SEMA3A: variants seen among roughly 807,000 people sequenced by gnomAD.
SEMA3A encodes the protein semaphorin-3A.
Under a neutral mutation model 97.9 loss-of-function variants are expected in SEMA3A, and 29 were observed. That is an observed-to-expected ratio of 0.30 (90% CI 0.22 to 0.40). The LOEUF (loss-of-function observed/expected upper bound fraction) is 0.40, where lower values mean the gene tolerates loss of function less well. Among genes scored for constraint, SEMA3A ranks in the 10% least tolerant of loss-of-function variants. The pLI is 1.00. For synonymous variants in SEMA3A, 321 were observed against 323.7 expected (o/e 0.99, Z 0.09); for missense variants, 763 against 951.3 (o/e 0.80, Z 2.60).
At position 84,185,692 on chromosome 7, in the gene SEMA3A, GAAAAAAAAAAAAAA is replaced by G. The variant is rs71078810; in HGVS notation, c.112+8769_112+8782del. Among the ~76,000 whole-genome samples the G allele has an allele frequency of 1.7e-3, 136 of 78,104 alleles. 2 individuals are homozygous for G. In the East Asian group the frequency reaches 0.042, roughly 24 times the overall value. The allele number at this position is 78,104 out of a possible 152,430, so 51.2% of individuals were successfully genotyped here. ...GGTGACAAGAGAGAAACTCTGGCAGGAAAAAAAAAAAAAAAAAAAAAGGAAAGAAATAATGAGTT... is the reference window on the plus strand; with the variant it reads ...GGTGACAAGAGAGAAACTCTGGCAGGAAAAAAAGGAAAGAAATAATGAGTT... On this transcript the variant is annotated intron_variant, in intron 1 of 16. Coordinates refer to ENST00000265362, the MANE Select transcript of SEMA3A (RefSeq NM_006080.3).
At chr7:84,260,182 G>A (rs1799815786) in intron 3 of SEMA3A, among the ~76,000 whole-genome samples, 1 of 152,150 alleles carries the variant, frequency 6.6e-6, no homozygotes, top group Admixed American at 6.5e-5. Context: ...ATCTTTAAGA[G>A]CTTCATAGAA....
chr7:84,408,826 T>C (rs528958039), intron 1 of SEMA3A, among the ~76,000 whole-genome samples: 2 of 151,498 alleles, frequency 1.3e-5, no homozygotes, highest in African/African-American at 4.8e-5. Context: ...TTCTCACTCA[T>C]AGGTGGGAAT....
intron 4 of SEMA3A, among the ~76,000 whole-genome samples, chr7:84,074,178 T>G (rs1248604321): frequency 6.6e-6 from 1 of 152,200 alleles, no homozygotes; most frequent in Non-Finnish European, 1.5e-5. Flanking sequence ...GCCCTCATTC[T>G]TCTGCTAATC....
rs76537551 is a variant in SEMA3A at position 84,284,137 on chromosome 7, T to C, written c.-83+23070A>G. On this transcript the variant is annotated intron_variant, in intron 3 of 3. Transcript: ENST00000424555. Reference sequence around the variant, plus strand: ...AGTTGTATGATACAAGGAAATGAGATGACTAATTTATATTTAATTTTATAT... The same window carrying C: ...AGTTGTATGATACAAGGAAATGAGACGACTAATTTATATTTAATTTTATAT... Among the ~76,000 whole-genome samples the C allele has an allele frequency of 7.0e-3, 1,071 of 152,222 alleles. 11 individuals are homozygous for C. The highest frequency in any genetic ancestry group is 0.024 in the African/African-American group (996 of 41,540).
At chr7:84,122,479 T>G (rs1311298409) in intron 3 of SEMA3A, among the ~76,000 whole-genome samples, 2 of 152,072 alleles carry the variant, frequency 1.3e-5, no homozygotes, top group Non-Finnish European at 2.9e-5. Flanking sequence ...TCATAAGATG[T>G]GAGAAATGTG....
intron 3 of SEMA3A, among the ~76,000 whole-genome samples, chr7:84,203,146 T>C (rs549138157): frequency 4.8e-4 from 73 of 152,196 alleles, no homozygotes; most frequent in African/African-American, 1.7e-3. Context: ...ACTCAGTATA[T>C]AGGATTACTT....
intron 3 of SEMA3A, among the ~76,000 whole-genome samples, chr7:84,286,012 A>T (rs1286161218): frequency 6.6e-6 from 1 of 151,718 alleles, no homozygotes. Context: ...GAAATAAGAG[A>T]TATTTCCTTT....
chr7:84,427,009 T>G (rs1804844617), intron 1 of SEMA3A, among the ~76,000 whole-genome samples: 1 of 152,128 alleles, frequency 6.6e-6, no homozygotes, highest in Non-Finnish European at 1.5e-5. Context: ...TGTTGGGACA[T>G]GCATAATGAA....
chr7:84,054,056 C>T (rs1378672711), intron 5 of SEMA3A, among the ~76,000 whole-genome samples: 1 of 151,816 alleles, frequency 6.6e-6, no homozygotes, highest in East Asian at 1.9e-4. Context: ...TCTCTTCTGG[C>T]TTGTAGGGTT....
chr7:84,345,552 T>A (rs1802278696), intron 2 of SEMA3A, among the ~76,000 whole-genome samples: 1 of 152,182 alleles, frequency 6.6e-6, no homozygotes, highest in Non-Finnish European at 1.5e-5. Context: ...TAAGTATATG[T>A]AATATTCTAA....
chr7:84,306,932 C>A (rs944496544), intron 3 of SEMA3A, among the ~76,000 whole-genome samples: 5 of 151,994 alleles, frequency 3.3e-5, no homozygotes, highest in African/African-American at 4.8e-5. Context: ...GTGAAATTCC[C>A]AAGTCTGGAG....
chr7:84,349,391 A>G (rs543069266), intron 2 of SEMA3A, among the ~76,000 whole-genome samples: 1 of 152,294 alleles, frequency 6.6e-6, no homozygotes, highest in African/African-American at 2.4e-5. Context: ...AATTGCTGAA[A>G]TGGGTATTGT....
intron 1 of SEMA3A, among the ~76,000 whole-genome samples, chr7:84,396,755 GT>G (rs1252179570): frequency 3.3e-5 from 5 of 151,696 alleles, no homozygotes; most frequent in African/African-American, 4.8e-5. Flanking sequence ...GAAAAATAAT[GT>G]TTTTTTCTAA....
chr7:84,120,992 T>C (rs1271937360), intron 3 of SEMA3A, among the ~76,000 whole-genome samples: 2 of 152,162 alleles, frequency 1.3e-5, no homozygotes, highest in Admixed American at 1.3e-4. Context: ...AGAGGAACTC[T>C]GGATGAAAAA....
At chr7:84,225,952 G>A (rs1163217998) in intron 3 of SEMA3A, among the ~76,000 whole-genome samples, 1 of 152,074 alleles carries the variant, frequency 6.6e-6, no homozygotes, top group African/African-American at 2.4e-5. Context: ...TTATTTATTA[G>A]TTGGCTATGT....
chr7:83,989,095 A>T (rs1284421305), intron 12 of SEMA3A, among the ~76,000 whole-genome samples: 1 of 152,170 alleles, frequency 6.6e-6, no homozygotes, highest in Admixed American at 6.5e-5. Flanking sequence ...TCACATGAAA[A>T]ATAGTTATGT....
intron 15 of SEMA3A, among the ~76,000 whole-genome samples, chr7:83,968,700 A>C (rs1788804149): frequency 6.6e-6 from 1 of 151,942 alleles, no homozygotes; most frequent in Non-Finnish European, 1.5e-5. Flanking sequence ...TTTACCAAAC[A>C]ATTGCAACTC....
At chr7:84,375,167 C>T (rs552626575) in intron 1 of SEMA3A, among the ~76,000 whole-genome samples, 3 of 152,104 alleles carry the variant, frequency 2.0e-5, no homozygotes, top group Admixed American at 1.3e-4. Flanking sequence ...TTACAGGCAC[C>T]CGCCAACACA....
chr7:84,163,842 A>G (rs939654343), intron 1 of SEMA3A, among the ~76,000 whole-genome samples: 1 of 126,926 alleles, frequency 7.9e-6, no homozygotes, highest in Non-Finnish European at 1.7e-5. Flanking sequence ...ACACAGTACT[A>G]TTTTTTTTTT....
Sources: allele counts gnomAD v4.1 joint callset (sites outside exome capture counted in the v4.1 genomes callset), GRCh38; gene constraint gnomAD v4.1.1; transcripts MANE v1.5; gene names NCBI Gene and HGNC (gene_info 2026-07-23, HGNC 2026-07-21).